Variants in ULK2 observed in about 807,000 individuals in gnomAD.
ULK2 encodes the protein unc-51 like autophagy activating kinase 2.
In ULK2, 76 loss-of-function variants were observed where a neutral mutation model predicts 127.5. The ratio of observed to expected loss-of-function variants is 0.60; its 90% confidence interval spans 0.50 to 0.72. The LOEUF (loss-of-function observed/expected upper bound fraction) is 0.72. Ranked by LOEUF, ULK2 falls within the 30% of genes least tolerant of loss-of-function variation. ULK2 has a pLI of 0.00. For synonymous variants in ULK2, 452 were observed against 461.9 expected (o/e 0.98, Z 0.28); for missense variants, 1,144 against 1,295.9 (o/e 0.88, Z 1.80).
At chr17:19,818,697 C>A (rs929778547) in intron 12 of ULK2, among the ~76,000 whole-genome samples, 25 of 152,052 alleles carry the variant, frequency 1.6e-4, no homozygotes, top group Non-Finnish European at 3.1e-4. Context: ...TTTGTTATGG[C>A]ATTTTTTCCC....
chr17:19,777,838 G>T, intron 25 of ULK2, 122 bp from the exon 26 acceptor site: 2 of 1,239,606 alleles, frequency 1.6e-6, no homozygotes, highest in Non-Finnish European at 2.2e-6. Context: ...AAGTGATACA[G>T]TCTGCAAAAC....
At chr17:19,835,609 C>T (rs2041575152) in intron 10 of ULK2, among the ~76,000 whole-genome samples, 1 of 149,674 alleles carries the variant, frequency 6.7e-6, no homozygotes, top group African/African-American at 2.5e-5. Flanking sequence ...CCCAGCTACT[C>T]GGGAGGCTGA....
chr17:19,833,923 C>T (rs1013106615), intron 10 of ULK2, among the ~76,000 whole-genome samples: 1 of 152,076 alleles, frequency 6.6e-6, no homozygotes, highest in Non-Finnish European at 1.5e-5. Context: ...GACAACTCCC[C>T]AAATTTGGTG....
Position 19,799,494 on chromosome 17 carries a change from C to A in ULK2, c.1522+1G>T. On this transcript the variant is annotated splice_donor_variant, in intron 17 of 26. Coordinates refer to ENST00000395544, the MANE Select transcript of ULK2 (RefSeq NM_014683.4). LOFTEE classifies it high-confidence loss of function. ...TTAATAAACCAAATACATTATCCTA[C>A]CTGAGGAGTTTCTACTCCTGGAGTC... is the stretch of plus-strand genomic sequence containing the variant. 6.4e-7 allele frequency: 1 copy of A among 1,565,108 alleles called. No individual in the cohort carries two copies. The highest frequency in any genetic ancestry group is 1.4e-5 in the African/African-American group (1 of 72,422).
rs1443668179 is a variant in ULK2 at position 19,774,661 on chromosome 17, G to A, written c.*1688C>T. The A allele has an allele frequency of 2.6e-5, 4 of 152,230 alleles. No individual in the cohort carries two copies. Among genetic ancestry groups the A allele is most frequent in the African/African-American group, 9.6e-5 (4 of 41,460 alleles). 9.4% of individuals were successfully genotyped at this position (152,230 alleles called of 1,614,324 possible). ...GATCTAAATCCTGGGGCAGGACAAA[G>A]GATATTCATGGCCAAGTCTCTAAAC... On this transcript the variant is annotated 3_prime_UTR_variant, in exon 27 of 27. Transcript: ENST00000395544.
intron 9 of ULK2, among the ~76,000 whole-genome samples, chr17:19,839,615 T>C (rs2041687729): frequency 7.0e-6 from 1 of 143,622 alleles, no homozygotes; most frequent in South Asian, 2.2e-4. Flanking sequence ...TGAGCCAAGA[T>C]CGTGCCATTA....
At chr17:19,861,450 C>G (rs1302015524) in intron 3 of ULK2, among the ~76,000 whole-genome samples, 1 of 151,958 alleles carries the variant, frequency 6.6e-6, no homozygotes, top group Non-Finnish European at 1.5e-5. Context: ...GAGGCTGAGG[C>G]AGGAGAATGG....
intron 23 of ULK2, 70 bp from the exon 24 acceptor site, chr17:19,781,174 G>A: frequency 1.0e-5 from 13 of 1,284,998 alleles, no homozygotes; most frequent in Non-Finnish European, 1.4e-5. Flanking sequence ...CTACACAACA[G>A]GTCACCATTA....
At position 19,863,827 on chromosome 17, in the gene ULK2, T is replaced by C. The variant is rs77043497; in HGVS notation, c.225+976A>G. ...CTATACAGAAATTTTGCCTTAGTGA[T>C]TGACTTTAGAACCTACTTCCCATTC... On this transcript the variant is annotated intron_variant, in intron 3 of 26. Coordinates refer to ENST00000395544, the MANE Select transcript of ULK2 (RefSeq NM_014683.4). Among the ~76,000 whole-genome samples the C allele has an allele frequency of 1.6e-3, 241 of 152,332 alleles. 3 individuals carry two copies. The East Asian group carries it at 0.042, about 27-fold the overall frequency.
chr17:19,862,365 G>C (rs1407414642), intron 3 of ULK2, among the ~76,000 whole-genome samples: 1 of 152,100 alleles, frequency 6.6e-6, no homozygotes, highest in Non-Finnish European at 1.5e-5. Context: ...CCAAAGTGTG[G>C]ATTACAGGCA....
intron 3 of ULK2, among the ~76,000 whole-genome samples, chr17:19,852,297 G>A (rs982034757): frequency 4.0e-5 from 6 of 151,674 alleles, no homozygotes; most frequent in South Asian, 2.1e-4. Flanking sequence ...CGAGACAGGC[G>A]GATCACAAGG....
Position 19,843,149 on chromosome 17 carries a change from T to C in ULK2, c.617A>G (p.Gln206Arg), listed in dbSNP as rs1465573611. 6.2e-7 allele frequency: 1 copy of C among 1,613,898 alleles called. No homozygotes were observed. The highest frequency in any genetic ancestry group is 1.1e-5 in the South Asian group (1 of 91,042). The change falls in exon 8 of 27, where the codon CAA becomes CGA. Residue 206 changes from glutamine to arginine, a missense_variant. Physicochemically the swap from Gln to Arg is conservative, Grantham distance 43. Transcript: ENST00000395544. ...AAAAGGTGGTTTTCCAACTAGGCAT[T>C]GGTATATCACTGTTCCTATGCTCCA... is the stretch of plus-strand genomic sequence containing the variant. The part of the protein sequence containing the change: ...DLWSIGTVIY[Q>R]CLVGKPPFQA...
At chr17:19,787,383 C>T (rs961483305) in intron 20 of ULK2, among the ~76,000 whole-genome samples, 2 of 151,736 alleles carry the variant, frequency 1.3e-5, no homozygotes, top group African/African-American at 4.8e-5. Context: ...AACTCCTGAG[C>T]TCAAGTGATC....
intron 10 of ULK2, among the ~76,000 whole-genome samples, chr17:19,827,589 T>A (rs2041325754): frequency 6.6e-6 from 1 of 152,210 alleles, no homozygotes; most frequent in African/African-American, 2.4e-5. Flanking sequence ...TGGTCTGACA[T>A]TTTCAAGTAG....
Position 19,867,400 on chromosome 17 carries a change from G to C in ULK2, c.18C>G (p.Asp6Glu). 6.2e-7 allele frequency: 1 copy of C among 1,600,294 alleles called. No homozygotes were observed. MEVVG[D>E]FEYSKRDLVG... ...CGAGATCCCTCTTGCTGTACTCGAA[G>C]TCACCCACCACCTCCATGGCCGCGC... The change falls in exon 1 of 27, where the codon GAC (aspartate) becomes GAG (glutamate). Residue 6 changes from aspartate (D) to glutamate (E), a missense_variant. This residue lies in a region of ULK2 where 231 missense variants were observed against 325.4 expected (regional missense o/e 0.71). Transcript: ENST00000395544.
chr17:19,849,733 A>C lies in ULK2; in HGVS notation c.258+9T>G. ...AAATAAATTAAACAGAAGTTTGTAT[A>C]CTACCTACCTCCATCACCAAAAAGA... On this transcript the variant is annotated intron_variant, in intron 4 of 26. Transcript: ENST00000395544. 1 of 1,522,690 alleles carries C rather than the reference A, an allele frequency of 6.6e-7. No individual in the cohort carries two copies. The highest frequency in any genetic ancestry group is 8.8e-7 in the Non-Finnish European group (1 of 1,132,088). The allele number at this position is 1,522,690 out of a possible 1,614,324, so 94.3% of individuals were successfully genotyped here. A position where few individuals can be genotyped will look rare whatever the true frequency, so the allele number is the denominator to read the frequency against.
chr17:19,832,525 A>C (rs112903367), intron 10 of ULK2, among the ~76,000 whole-genome samples: 4,691 of 152,120 alleles, frequency 0.031, 228 homozygotes, highest in African/African-American at 0.11. Context: ...CGGCCTCCCA[A>C]AGCGCTGGGA....
Position 19,771,379 on chromosome 17 carries a change from A to T in ULK2, c.*4970T>A, listed in dbSNP as rs185837202. The T allele has an allele frequency of 5.9e-5, 9 of 152,408 alleles. No homozygotes were observed. Among genetic ancestry groups the T allele is most frequent in the African/African-American group, 2.2e-4 (9 of 41,604 alleles). The allele number at this position is 152,408 out of a possible 1,614,324, so 9.4% of individuals were successfully genotyped here. A position where few individuals can be genotyped will look rare whatever the true frequency, so the allele number is the denominator to read the frequency against. ...AAGGGCAACATAGATGTCTGAAGCC[A>T]GACTGCCTGGTGGGCAAGCTGGAGA... On this transcript the variant is annotated 3_prime_UTR_variant, in exon 27 of 27. Coordinates refer to ENST00000395544, the MANE Select transcript of ULK2 (RefSeq NM_014683.4).
intron 12 of ULK2, among the ~76,000 whole-genome samples, chr17:19,823,704 T>G (rs2041216412): frequency 6.6e-6 from 1 of 152,188 alleles, no homozygotes; most frequent in Non-Finnish European, 1.5e-5. Context: ...CCTCTCTAAC[T>G]GACCGGCCCA....
Sources: allele counts gnomAD v4.1 joint callset (sites outside exome capture counted in the v4.1 genomes callset), GRCh38; gene constraint gnomAD v4.1.1; regional missense constraint gnomAD v4.1.1; transcripts MANE v1.5; gene names NCBI Gene and HGNC (gene_info 2026-07-23, HGNC 2026-07-21).